Variants in COL14A1 observed in about 807,000 individuals in gnomAD.
COL14A1 encodes the protein collagen type XIV alpha 1 chain.
COL14A1 carries 136 observed loss-of-function variants against 230.3 expected under a neutral mutation model. That is an observed-to-expected ratio of 0.59 (90% CI 0.51 to 0.68). The LOEUF is 0.68. COL14A1 is among the 30% of genes least tolerant of loss of function. COL14A1 has a pLI of 0.00. For synonymous variants in COL14A1, 792 were observed against 784.1 expected, an observed-to-expected ratio of 1.01 and a Z score of -0.17; for missense variants, 1,976 against 2,215.8, an observed-to-expected ratio of 0.89 and a Z score of 2.17.
intron 44 of COL14A1, among the ~76,000 whole-genome samples, chr8:120,345,018 T>G (rs1435548325): frequency 6.6e-6 from 1 of 152,052 alleles, no homozygotes; most frequent in Non-Finnish European, 1.5e-5. Flanking sequence ...GAAAAATAAC[T>G]TGGGGAGTAA....
intron 1 of COL14A1, among the ~76,000 whole-genome samples, chr8:120,140,854 C>T (rs754463675): frequency 1.2e-4 from 18 of 152,118 alleles, no homozygotes; most frequent in Admixed American, 2.0e-4. Flanking sequence ...CAAATTAGCA[C>T]TAATGGGCCT....
At position 120,212,532 on chromosome 8, in the gene COL14A1, T is replaced by G; in HGVS notation, c.1552T>G (p.Phe518Val). ...TEYTVTVYAMFGEEASDPVTG... is the reference protein window; with the variant it reads ...TEYTVTVYAMVGEEASDPVTG... ...ATACACAGTCACAGTTTATGCCATG[T>G]TTGGAGAAGAGGCCAGTGATCCTGT... The change falls in exon 13 of 48, where the codon TTT becomes GTT. Residue 518 changes from phenylalanine (F) to valine (V), a missense_variant. Phe to Val is a conservative substitution (Grantham distance 50). This residue lies in a region of COL14A1 where 1,791 missense variants were observed against 2,019.5 expected (regional missense o/e 0.89). Coordinates refer to ENST00000297848, the MANE Select transcript of COL14A1 (RefSeq NM_021110.4). 1.2e-6 allele frequency: 2 copies of G among 1,613,670 alleles called. No individual in the cohort carries two copies. Among genetic ancestry groups the G allele is most frequent in the South Asian group, 2.2e-5 (2 of 91,076 alleles).
At chr8:120,199,674 C>T (rs1586759541) in intron 8 of COL14A1, 108 bp downstream of exon 8, 2 of 1,154,714 alleles carry the variant, frequency 1.7e-6, no homozygotes, top group East Asian at 2.7e-5. Context: ...GACCTGAGCA[C>T]TTTCTAGTCT....
At chr8:120,216,558 A>G in intron 14 of COL14A1, 68 bp downstream of exon 14, 1 of 1,459,066 alleles carries the variant, frequency 6.9e-7, no homozygotes, top group South Asian at 1.3e-5. Flanking sequence ...CTACATAACC[A>G]ATCATCTCAA....
At chr8:120,303,355 G>A (rs993080175) in intron 36 of COL14A1, among the ~76,000 whole-genome samples, 1 of 152,098 alleles carries the variant, frequency 6.6e-6, no homozygotes, top group African/African-American at 2.4e-5. Flanking sequence ...TGCCCATTCA[G>A]TATGATGTTG....
At chr8:120,180,850 G>C (rs936299788) in intron 5 of COL14A1, among the ~76,000 whole-genome samples, 1 of 152,076 alleles carries the variant, frequency 6.6e-6, no homozygotes. Context: ...TGGGACTACA[G>C]GTGGGCCCCA....
At chr8:120,346,749 C>T (rs932135575) in intron 45 of COL14A1, among the ~76,000 whole-genome samples, 3 of 152,162 alleles carry the variant, frequency 2.0e-5, no homozygotes, top group African/African-American at 7.2e-5. Flanking sequence ...CCCCCATGAA[C>T]ACCTGATGCC....
intron 36 of COL14A1, among the ~76,000 whole-genome samples, chr8:120,309,652 T>C (rs1291452967): frequency 1.3e-5 from 2 of 152,206 alleles, no homozygotes; most frequent in South Asian, 2.1e-4. Flanking sequence ...CTCAAAGTTA[T>C]GTTTTATATG....
intron 5 of COL14A1, among the ~76,000 whole-genome samples, chr8:120,184,214 G>T (rs1035029242): frequency 1.4e-5 from 2 of 145,946 alleles, no homozygotes; most frequent in African/African-American, 2.5e-5. Context: ...GTGTGTGTGG[G>T]GGGGGAAGAG....
At position 120,357,782 on chromosome 8, in the gene COL14A1, T is replaced by G. The variant is rs1416459063; in HGVS notation, c.5078-9389T>G. On this transcript the variant is annotated intron_variant, in intron 45 of 47. Coordinates refer to ENST00000297848, the MANE Select transcript of COL14A1 (RefSeq NM_021110.4). ...TGTTTTCACCACTTATGTTTGTTTT[T>G]CTCTCCTGTATTCTTTTAAATCATC... Among the ~76,000 whole-genome samples, 14 of 152,286 alleles carry G rather than the reference T, an allele frequency of 9.2e-5. No individual in the cohort carries two copies. In the East Asian group the frequency reaches 2.7e-3, roughly 29 times the overall value.
intron 31 of COL14A1, among the ~76,000 whole-genome samples, chr8:120,282,589 A>C (rs947833051): frequency 1.3e-5 from 2 of 152,212 alleles, no homozygotes; most frequent in African/African-American, 4.8e-5. Context: ...ATTTTTATCT[A>C]TGCAAACCAA....
chr8:120,165,875 G>A (rs1815852613), intron 4 of COL14A1, among the ~76,000 whole-genome samples: 2 of 152,160 alleles, frequency 1.3e-5, no homozygotes, highest in Admixed American at 6.5e-5. Context: ...CATGAAGTGG[G>A]GGCACCCATA....
chr8:120,219,134 AT>A (rs1817852134), intron 14 of COL14A1, among the ~76,000 whole-genome samples: 1 of 151,960 alleles, frequency 6.6e-6, no homozygotes, highest in South Asian at 2.1e-4. Context: ...TTATTTATTT[AT>A]TTAGAGACGG....
chr8:120,213,708 T>C (rs1817673025), intron 13 of COL14A1, among the ~76,000 whole-genome samples: 1 of 152,232 alleles, frequency 6.6e-6, no homozygotes, highest in Admixed American at 6.5e-5. Context: ...TTCACTTCTT[T>C]ATACTTCTTA....
Position 120,227,238 on chromosome 8 carries a change from C to A in COL14A1, c.2023C>A (p.Gln675Lys), listed in dbSNP as rs965856632. 8 of 1,613,626 alleles carry A rather than the reference C, an allele frequency of 5.0e-6. No individual in the cohort carries two copies. The African/African-American group carries it at 1.1e-4, about 22-fold the overall frequency. ...ATTTCAGGTTGTCCTGAAAGAAGAG[C>A]AGGACTCACATGTTATTGAAGGCCT... ...KTEEVVLKEE[Q>K]DSHVIEGLEP... The change falls in exon 17 of 48, where the codon CAG (glutamine) becomes AAG (lysine). Residue 675 changes from glutamine (Q) to lysine (K), a missense_variant. Physicochemically the swap from Gln to Lys is moderately conservative, Grantham distance 53. Transcript: ENST00000297848.
At chr8:120,159,894 G>C (rs185173733) in intron 3 of COL14A1, among the ~76,000 whole-genome samples, 3 of 152,076 alleles carry the variant, frequency 2.0e-5, no homozygotes, top group Non-Finnish European at 4.4e-5. Flanking sequence ...ATTTCACCAT[G>C]TTGGCCAGAC....
At chr8:120,342,156 A>G (rs1051949646) in intron 43 of COL14A1, among the ~76,000 whole-genome samples, 1 of 152,216 alleles carries the variant, frequency 6.6e-6, no homozygotes, top group Admixed American at 6.5e-5. Flanking sequence ...AGAAATACTT[A>G]CTAGTGCTTG....
At position 120,158,326 on chromosome 8, in the gene COL14A1, T is replaced by C. The variant is rs114454028; in HGVS notation, c.205+80T>C. ...AACTAAAAACATGTAGTGCCAAGCA[T>C]TGTGTTAGGATTTTTTGGAAGCTTT... On this transcript the variant is annotated intron_variant, in intron 3 of 47. Transcript: ENST00000297848. The C allele has an allele frequency of 2.9e-3, 2,409 of 818,018 alleles. 37 individuals carry two copies. The African/African-American group carries it at 0.036, about 12-fold the overall frequency. 50.7% of individuals were successfully genotyped at this position (818,018 alleles called of 1,614,324 possible). A position where few individuals can be genotyped will look rare whatever the true frequency, so the allele number is the denominator to read the frequency against.
At chr8:120,203,469 A>G (rs1433174261) in intron 8 of COL14A1, among the ~76,000 whole-genome samples, 4 of 152,082 alleles carry the variant, frequency 2.6e-5, no homozygotes, top group Non-Finnish European at 4.4e-5. Context: ...CTATATGAAT[A>G]ATTTGTTAGA....
Sources: allele counts gnomAD v4.1 joint callset (sites outside exome capture counted in the v4.1 genomes callset), GRCh38; gene constraint gnomAD v4.1.1; regional missense constraint gnomAD v4.1.1; transcripts MANE v1.5; gene names NCBI Gene and HGNC (gene_info 2026-07-23, HGNC 2026-07-21).